The following VEPH1 variants were observed in gnomAD, a reference collection of about 807,000 sequenced individuals.
VEPH1 encodes ventricular zone expressed PH domain containing 1.
In VEPH1, 80 loss-of-function variants were observed where a neutral mutation model predicts 85.2. The observed-to-expected ratio is 0.94, with a 90% CI of 0.78 to 1.13. The LOEUF is 1.13. VEPH1 is among the 50% of genes most tolerant of loss of function. The probability of loss-of-function intolerance (pLI) is 0.00; values close to 1 mark genes in which losing one functional copy is unlikely to be tolerated. For missense variants in VEPH1, 955 were observed against 980.5 expected, an observed-to-expected ratio of 0.97 and a Z score of 0.35; for synonymous variants, 297 against 348.0, an observed-to-expected ratio of 0.85 and a Z score of 1.63.
chr3:157,453,660 A>G (rs1187928180), intron 4 of VEPH1, among the ~76,000 whole-genome samples: 2 of 152,220 alleles, frequency 1.3e-5, no homozygotes, highest in Non-Finnish European at 2.9e-5. Flanking sequence ...TAATGAAAAA[A>G]GAAACCCCAT....
At chr3:157,442,568 A>C in intron 4 of VEPH1, 1 of 1,614,216 alleles carries the variant, frequency 6.2e-7, no homozygotes, top group Non-Finnish European at 8.5e-7. Flanking sequence ...ACCAATCCAT[A>C]GTGTTTGTGG....
chr3:157,417,195 T>A (rs1394122630), intron 5 of VEPH1, among the ~76,000 whole-genome samples: 2 of 152,186 alleles, frequency 1.3e-5, no homozygotes, highest in Non-Finnish European at 2.9e-5. Flanking sequence ...GATAGATTAT[T>A]CTTGGATTAG....
chr3:157,449,918 T>C (rs574512761), intron 4 of VEPH1, among the ~76,000 whole-genome samples: 1 of 151,734 alleles, frequency 6.6e-6, no homozygotes, highest in African/African-American at 2.4e-5. Flanking sequence ...AATAATATTT[T>C]TAATATTATA....
chr3:157,299,928 A>G (rs1384591734), intron 11 of VEPH1, among the ~76,000 whole-genome samples: 1 of 152,126 alleles, frequency 6.6e-6, no homozygotes, highest in Non-Finnish European at 1.5e-5. Flanking sequence ...TGGACTTTAC[A>G]TGTATTATGT....
At chr3:157,397,413 G>C (rs1188572936) in intron 6 of VEPH1, among the ~76,000 whole-genome samples, 2 of 152,118 alleles carry the variant, frequency 1.3e-5, no homozygotes, top group African/African-American at 4.8e-5. Flanking sequence ...GGCTATACGG[G>C]CTCTTTTTTG....
chr3:157,342,235 T>G (rs563357529), intron 9 of VEPH1, among the ~76,000 whole-genome samples: 3 of 152,218 alleles, frequency 2.0e-5, no homozygotes, highest in Non-Finnish European at 2.9e-5. Flanking sequence ...ACTGGCAAAT[T>G]GGATAAAGAG....
intron 10 of VEPH1, among the ~76,000 whole-genome samples, chr3:157,315,483 T>C (rs1720648188): frequency 6.6e-6 from 1 of 152,060 alleles, no homozygotes; most frequent in Admixed American, 6.6e-5. Flanking sequence ...ATCTGTGAAT[T>C]TGGGAACTTT....
intron 6 of VEPH1, among the ~76,000 whole-genome samples, chr3:157,391,110 G>A (rs771434544): frequency 1.3e-5 from 2 of 152,172 alleles, no homozygotes; most frequent in Non-Finnish European, 1.5e-5. Context: ...ACCCCTTGCC[G>A]TTCCACGCCT....
chr3:157,429,780 G>A (rs1221567413), intron 4 of VEPH1, among the ~76,000 whole-genome samples: 4 of 152,166 alleles, frequency 2.6e-5, no homozygotes, highest in African/African-American at 9.7e-5. Context: ...TAAAGCCCAA[G>A]TTAGATTATA....
At chr3:157,277,432 C>T (rs1181929255) in intron 12 of VEPH1, among the ~76,000 whole-genome samples, 1 of 152,132 alleles carries the variant, frequency 6.6e-6, no homozygotes, top group Non-Finnish European at 1.5e-5. Context: ...TAAGGAGGAC[C>T]AACTTGTTTG....
intron 6 of VEPH1, among the ~76,000 whole-genome samples, chr3:157,412,839 T>A (rs1731632180): frequency 6.6e-6 from 1 of 152,126 alleles, no homozygotes; most frequent in South Asian, 2.1e-4. Flanking sequence ...CTCAAGGGGT[T>A]CACTATAATT....
chr3:157,386,472 A>C lies in VEPH1; in HGVS notation c.907-5096T>G, dbSNP rs377297919. 1.1e-4 allele frequency among the ~76,000 whole-genome samples: 17 copies of C among 152,286 alleles called. No individual in the cohort carries two copies. In the East Asian group the frequency reaches 3.1e-3, roughly 28 times the overall value. On this transcript the variant is annotated intron_variant, in intron 6 of 13. Transcript: ENST00000362010. ...TAATTTCTACTGCTTCATCAGGTTA[A>C]TTCAGTGGTTTCCAGGGGGAGGCAG...
chr3:157,370,504 T>C (rs1727369081), intron 7 of VEPH1, among the ~76,000 whole-genome samples: 1 of 152,176 alleles, frequency 6.6e-6, no homozygotes, highest in Non-Finnish European at 1.5e-5. Flanking sequence ...ATCTCTTGGG[T>C]CATCAGTCAT....
At chr3:157,464,232 T>C (rs1429344727) in intron 3 of VEPH1, among the ~76,000 whole-genome samples, 2 of 152,194 alleles carry the variant, frequency 1.3e-5, no homozygotes, top group Non-Finnish European at 2.9e-5. Flanking sequence ...TGCATTTTCT[T>C]GGGTTCGAGG....
chr3:157,278,902 A>G (rs966670709), intron 12 of VEPH1, among the ~76,000 whole-genome samples: 5 of 152,108 alleles, frequency 3.3e-5, no homozygotes, highest in African/African-American at 1.2e-4. Flanking sequence ...AAATGAACTG[A>G]TGCTGGGGAG....
At chr3:157,384,899 A>C (rs1729129754) in intron 6 of VEPH1, among the ~76,000 whole-genome samples, 1 of 152,152 alleles carries the variant, frequency 6.6e-6, no homozygotes, top group Non-Finnish European at 1.5e-5. Context: ...CAGTCACCCC[A>C]TTGAGGGGTA....
At chr3:157,361,800 G>A (rs1028397357) in intron 9 of VEPH1, among the ~76,000 whole-genome samples, 6 of 152,080 alleles carry the variant, frequency 3.9e-5, no homozygotes, top group Non-Finnish European at 8.8e-5. Flanking sequence ...GAAGGACTAC[G>A]GCACAAAATG....
chr3:157,427,038 A>G (rs1411391352), intron 5 of VEPH1, among the ~76,000 whole-genome samples: 1 of 150,578 alleles, frequency 6.6e-6, no homozygotes, highest in African/African-American at 2.5e-5. Flanking sequence ...CCCAGGCTGG[A>G]GCGCAGTGCT....
At chr3:157,497,533 G>C (rs1270681228) in intron 1 of VEPH1, among the ~76,000 whole-genome samples, 1 of 152,294 alleles carries the variant, frequency 6.6e-6, no homozygotes, top group East Asian at 1.9e-4. Context: ...ACAGTGACAA[G>C]AGTCTCAGTA....
Sources: gnomAD v4.1 joint callset for allele counts (sites outside exome capture counted in the v4.1 genomes callset) on GRCh38, gnomAD v4.1.1 for gene constraint, MANE v1.5 for transcripts, NCBI Gene and HGNC (gene_info 2026-07-23, HGNC 2026-07-21) for gene names.